The following FAM210A variants were observed in gnomAD, a reference collection of about 807,000 sequenced individuals.
FAM210A encodes the protein family with sequence similarity 210 member A.
In FAM210A, 13 loss-of-function variants were observed where a neutral mutation model predicts 25.3. The observed-to-expected ratio is 0.51, with a 90% CI of 0.33 to 0.82. The LOEUF (loss-of-function observed/expected upper bound fraction) is 0.82. Among genes scored for constraint, FAM210A ranks in the 40% least tolerant of loss-of-function variants. The pLI is 0.02. For missense variants in FAM210A, 319 were observed against 323.2 expected (o/e 0.99, Z 0.10); for synonymous variants, 125 against 118.7 (o/e 1.05, Z -0.35).
chr18:13,690,055 C>T (rs375356604), intron 1 of FAM210A, among the ~76,000 whole-genome samples: 1 of 152,200 alleles, frequency 6.6e-6, no homozygotes, highest in South Asian at 2.1e-4. Flanking sequence ...GACTCTCCCA[C>T]CCTAATACTG....
chr18:13,714,646 C>T (rs916892457), intron 1 of FAM210A, among the ~76,000 whole-genome samples: 1 of 152,066 alleles, frequency 6.6e-6, no homozygotes, highest in African/African-American at 2.4e-5. Flanking sequence ...CTTCTTTGAC[C>T]TTGGATTTTG....
At chr18:13,712,626 GT>G (rs763388861) in intron 1 of FAM210A, among the ~76,000 whole-genome samples, 13 of 152,188 alleles carry the variant, frequency 8.5e-5, no homozygotes, top group East Asian at 7.7e-4. Context: ...ATCATGCGAG[GT>G]TACAGTGAAA....
chr18:13,710,814 A>C (rs2043815005), intron 1 of FAM210A, among the ~76,000 whole-genome samples: 1 of 152,134 alleles, frequency 6.6e-6, no homozygotes. Flanking sequence ...GAAAAACCCT[A>C]ACCTCTGAGC....
chr18:13,692,511 A>T (rs1359130495), intron 1 of FAM210A, among the ~76,000 whole-genome samples: 1 of 152,210 alleles, frequency 6.6e-6, no homozygotes, highest in Middle Eastern at 3.4e-3. Flanking sequence ...GAAGTAAAGC[A>T]CTCCTCAGCA....
chr18:13,685,539 T>C (rs556454134), intron 1 of FAM210A, among the ~76,000 whole-genome samples: 31 of 152,222 alleles, frequency 2.0e-4, no homozygotes, highest in Non-Finnish European at 4.0e-4. Context: ...CTCTTTTCTA[T>C]TGATTCCAGG....
At chr18:13,706,848 A>G (rs1284321215) in intron 1 of FAM210A, among the ~76,000 whole-genome samples, 2 of 152,228 alleles carry the variant, frequency 1.3e-5, no homozygotes, top group Non-Finnish European at 2.9e-5. Flanking sequence ...ATTCCGTTGT[A>G]GGGGATTAAC....
chr18:13,718,559 T>C (rs896138783), intron 1 of FAM210A, among the ~76,000 whole-genome samples: 1 of 152,136 alleles, frequency 6.6e-6, no homozygotes, highest in African/African-American at 2.4e-5. Flanking sequence ...GCTAATCTAG[T>C]GAATTTCCCA....
In FAM210A at chr18:13,670,652, G is replaced by A. The variant is rs181633782; in HGVS notation, c.585+1210C>T. Among the ~76,000 whole-genome samples the A allele has an allele frequency of 5.9e-5, 9 of 152,214 alleles. No individual in the cohort carries two copies. The East Asian group carries it at 1.5e-3, about 26-fold the overall frequency. On this transcript the variant is annotated intron_variant, in intron 3 of 3. Transcript: ENST00000651643. ...ATGGCTAAACTCCACAATTTACAGT[G>A]AGTCTTCCCTTCCAAAATAAAGACC...
In FAM210A at chr18:13,690,638, A is replaced by C. The variant is rs138334099; in HGVS notation, c.-28-8533T>G. On this transcript the variant is annotated intron_variant, in intron 1 of 3. Coordinates refer to ENST00000651643, the MANE Select transcript of FAM210A (RefSeq NM_152352.4). Reference sequence around the variant, plus strand: ...AGCCTCTGCTGGTGATACCCAGGCAAATAGGGTCTGGAGTGGACCTCCAGC... The same window carrying C: ...AGCCTCTGCTGGTGATACCCAGGCACATAGGGTCTGGAGTGGACCTCCAGC... Among the ~76,000 whole-genome samples, 28 of 152,338 alleles carry C rather than the reference A, an allele frequency of 1.8e-4. No individual in the cohort carries two copies. The East Asian group carries it at 5.2e-3, about 28-fold the overall frequency.
At chr18:13,685,978 C>T (rs753912473) in intron 1 of FAM210A, among the ~76,000 whole-genome samples, 5 of 151,838 alleles carry the variant, frequency 3.3e-5, no homozygotes, top group Admixed American at 2.0e-4. Flanking sequence ...CAGAAAGCAA[C>T]GAACATGAGG....
chr18:13,690,389 A>G (rs1402966926), intron 1 of FAM210A, among the ~76,000 whole-genome samples: 2 of 152,226 alleles, frequency 1.3e-5, no homozygotes, highest in African/African-American at 4.8e-5. Context: ...CCCATCTGAC[A>G]GCTTTGAAGA....
intron 2 of FAM210A, among the ~76,000 whole-genome samples, chr18:13,678,097 C>A (rs1443265500): frequency 6.6e-6 from 1 of 152,124 alleles, no homozygotes; most frequent in Admixed American, 6.5e-5. Flanking sequence ...TTTCAAATCT[C>A]TTTCTAGATA....
intron 1 of FAM210A, among the ~76,000 whole-genome samples, chr18:13,686,139 C>T (rs933196736): frequency 3.9e-5 from 6 of 152,082 alleles, no homozygotes; most frequent in Non-Finnish European, 7.4e-5. Context: ...ACTGATCCCA[C>T]GGATATTAAA....
At chr18:13,677,467 A>G (rs1294857945) in intron 2 of FAM210A, among the ~76,000 whole-genome samples, 1 of 152,232 alleles carries the variant, frequency 6.6e-6, no homozygotes, top group Non-Finnish European at 1.5e-5. Context: ...TGGGGGCTGC[A>G]TGCACCAGTA....
At chr18:13,714,887 CCA>C (rs2043847925) in intron 1 of FAM210A, among the ~76,000 whole-genome samples, 1 of 152,022 alleles carries the variant, frequency 6.6e-6, no homozygotes, top group Non-Finnish European at 1.5e-5. Flanking sequence ...TAGATTGTCC[CCA>C]GTTTTAATGC....
chr18:13,689,649 T>A (rs1034745602), intron 1 of FAM210A, among the ~76,000 whole-genome samples: 11 of 152,078 alleles, frequency 7.2e-5, no homozygotes, highest in Non-Finnish European at 4.4e-5. Flanking sequence ...ATACTGCAAT[T>A]CCCAGCTAGT....
At chr18:13,668,818 A>G (rs2043420808) in intron 3 of FAM210A, among the ~76,000 whole-genome samples, 1 of 152,222 alleles carries the variant, frequency 6.6e-6, no homozygotes, top group Non-Finnish European at 1.5e-5. Flanking sequence ...AATGTAGAAA[A>G]GTTACAGTAA....
chr18:13,703,552 C>T (rs1601961735), intron 1 of FAM210A, among the ~76,000 whole-genome samples: 1 of 152,274 alleles, frequency 6.6e-6, no homozygotes, highest in Non-Finnish European at 1.5e-5. Flanking sequence ...GCTTGTTAGG[C>T]ACTAGAAACT....
chr18:13,671,737 C>A, intron 3 of FAM210A, 125 bp downstream of exon 3: 1 of 534,592 alleles, frequency 1.9e-6, no homozygotes, highest in South Asian at 2.8e-5. Flanking sequence ...CCAGACATAT[C>A]AGAGATGAAA....
Sources: allele counts gnomAD v4.1 joint callset (sites outside exome capture counted in the v4.1 genomes callset), GRCh38; gene constraint gnomAD v4.1.1; transcripts MANE v1.5; gene names NCBI Gene and HGNC (gene_info 2026-07-23, HGNC 2026-07-21).